Variants in FAM120B observed in about 807,000 individuals in gnomAD.
FAM120B encodes constitutive coactivator of peroxisome proliferator-activated receptor gamma.
Under a neutral mutation model 96.3 loss-of-function variants are expected in FAM120B, and 83 were observed. The observed-to-expected ratio is 0.86, with a 90% CI of 0.72 to 1.03. FAM120B has a LOEUF of 1.03. FAM120B is among the 50% of genes least tolerant of loss of function. The pLI is 0.00. For missense variants in FAM120B, 1,027 were observed against 1,121.2 expected, an observed-to-expected ratio of 0.92 and a Z score of 1.20; for synonymous variants, 407 against 402.7, an observed-to-expected ratio of 1.01 and a Z score of -0.13.
chr6:170,353,573 G>T (rs183879189), intron 5 of FAM120B, among the ~76,000 whole-genome samples: 1 of 151,848 alleles, frequency 6.6e-6, no homozygotes, highest in African/African-American at 2.4e-5. Context: ...GACTTTATCC[G>T]TGGGAACTAA....
chr6:170,398,307 G>C (rs910386339), intron 9 of FAM120B, among the ~76,000 whole-genome samples: 1 of 152,244 alleles, frequency 6.6e-6, no homozygotes, highest in Non-Finnish European at 1.5e-5. Context: ...GTAACTCTTA[G>C]GAGTCAATAA....
chr6:170,344,933 G>A (rs1583235343), intron 4 of FAM120B, among the ~76,000 whole-genome samples: 2 of 152,132 alleles, frequency 1.3e-5, no homozygotes, highest in East Asian at 1.9e-4. Flanking sequence ...CTCAGCTCAA[G>A]TCTCTTCCTC....
At chr6:170,404,128 G>T (rs1377947469) in intron 9 of FAM120B, 1 of 167,188 alleles carries the variant, frequency 6.0e-6, no homozygotes, top group South Asian at 1.8e-4. Flanking sequence ...AACGTTCCCT[G>T]TCTATCAGAA....
intron 1 of FAM120B, chr6:170,297,760 C>A (rs934791200): frequency 6.6e-5 from 10 of 152,178 alleles, no homozygotes; most frequent in Admixed American, 3.9e-4. Flanking sequence ...ACACAAAGTG[C>A]GGAGTGTGGC....
chr6:170,360,143 G>A lies in FAM120B; in HGVS notation c.2283+1825G>A, dbSNP rs117633413. Among the ~76,000 whole-genome samples, 1,346 of 152,304 alleles carry A rather than the reference G, an allele frequency of 8.8e-3. 66 individuals carry two copies. The East Asian group carries it at 0.1, about 12-fold the overall frequency. ...GTCCTGTTCTCTGGTCCTAGGCCAT[G>A]TGGGCAACATAGCACTGGAGTCTGA... On this transcript the variant is annotated intron_variant, in intron 6 of 10. Transcript: ENST00000476287.
At chr6:170,345,279 C>T (rs1006158927) in intron 4 of FAM120B, among the ~76,000 whole-genome samples, 12 of 152,122 alleles carry the variant, frequency 7.9e-5, no homozygotes, top group African/African-American at 2.9e-4. Context: ...AATGCCCTGC[C>T]CCAATTTGTT....
At chr6:170,361,220 A>ATATATATATATATACGTG (rs1788396286) in intron 6 of FAM120B, among the ~76,000 whole-genome samples, 5 of 110,022 alleles carry the variant, frequency 4.5e-5, no homozygotes, top group African/African-American at 1.6e-4. Flanking sequence ...ATATATATAT[A>ATATATATATATATACGTG]TATATATATA....
At chr6:170,315,452 C>T (rs974108103) in intron 1 of FAM120B, among the ~76,000 whole-genome samples, 1 of 152,136 alleles carries the variant, frequency 6.6e-6, no homozygotes, top group Admixed American at 6.5e-5. Context: ...CCTTCCTGGA[C>T]ATAGGTTCCA....
intron 6 of FAM120B, among the ~76,000 whole-genome samples, chr6:170,374,095 T>C (rs1000389088): frequency 6.6e-6 from 1 of 152,220 alleles, no homozygotes; most frequent in African/African-American, 2.4e-5. Flanking sequence ...TTGAGGAAAC[T>C]GAATGTCTAT....
intron 9 of FAM120B, among the ~76,000 whole-genome samples, chr6:170,402,726 T>C (rs1778651059): frequency 6.6e-6 from 1 of 152,204 alleles, no homozygotes; most frequent in Admixed American, 6.5e-5. Flanking sequence ...CCACTTTGAA[T>C]TTCAGGAATG....
In FAM120B at chr6:170,347,693, A is replaced by AT. The variant is rs199948445; in HGVS notation, c.2018-449dup. Among the ~76,000 whole-genome samples, 303 of 151,486 alleles carry AT rather than the reference A, an allele frequency of 2.0e-3. 1 individual carries two copies. Among genetic ancestry groups the AT allele is most frequent in the Middle Eastern group, 6.8e-3 (2 of 292 alleles). On this transcript the variant is annotated intron_variant, in intron 4 of 10. Coordinates refer to ENST00000476287, the MANE Select transcript of FAM120B (RefSeq NM_032448.3). ...CTGCATATAGATCCCAGGAAAATGC[A>AT]TTTTTTTTTACAATCTCTGCAGTTG...
At chr6:170,368,819 C>CGGG (rs146799172) in intron 6 of FAM120B, among the ~76,000 whole-genome samples, 328 of 26,060 alleles carry the variant, frequency 0.013, 4 homozygotes, top group African/African-American at 0.021. Context: ...TCTGCCGGGG[C>CGGG]TGGGGGGGGG....
chr6:170,346,497 T>C (rs575449656), intron 4 of FAM120B, among the ~76,000 whole-genome samples: 1 of 152,316 alleles, frequency 6.6e-6, no homozygotes, highest in East Asian at 1.9e-4. Context: ...TTACCTTAGA[T>C]CCGAGACTAG....
At chr6:170,393,415 C>T (rs9295400) in intron 8 of FAM120B, among the ~76,000 whole-genome samples, 135,623 of 151,930 alleles carry the variant, frequency 0.89, 60,733 homozygotes, top group African/African-American at 0.96. Context: ...GTGGTACTTA[C>T]AATTTTTATA....
chr6:170,329,525 C>T (rs1785856252), intron 3 of FAM120B, among the ~76,000 whole-genome samples: 1 of 152,172 alleles, frequency 6.6e-6, no homozygotes, highest in Admixed American at 6.5e-5. Flanking sequence ...GGTCCTGTGG[C>T]ATCACAGGTG....
At chr6:170,319,415 C>A (rs1785148202) in intron 2 of FAM120B, among the ~76,000 whole-genome samples, 1 of 152,122 alleles carries the variant, frequency 6.6e-6, no homozygotes, top group African/African-American at 2.4e-5. Flanking sequence ...GCCTGTAATC[C>A]CAGCACTTTG....
chr6:170,382,440 G>A (rs914646288), intron 6 of FAM120B, among the ~76,000 whole-genome samples: 5 of 152,074 alleles, frequency 3.3e-5, no homozygotes, highest in Non-Finnish European at 4.4e-5. Context: ...TCTAGTGAGA[G>A]TTCAGCAAGG....
At chr6:170,330,070 A>T (rs568971436) in intron 3 of FAM120B, among the ~76,000 whole-genome samples, 1 of 152,338 alleles carries the variant, frequency 6.6e-6, no homozygotes, top group Admixed American at 6.5e-5. Flanking sequence ...CTTGCTTTAA[A>T]AAACTGTATC....
At chr6:170,385,326 G>T (rs1790126101) in intron 6 of FAM120B, among the ~76,000 whole-genome samples, 1 of 152,178 alleles carries the variant, frequency 6.6e-6, no homozygotes, top group Non-Finnish European at 1.5e-5. Flanking sequence ...GAAGCTGAAA[G>T]CTGTTCTGAG....
Sources: allele counts gnomAD v4.1 joint callset (sites outside exome capture counted in the v4.1 genomes callset), GRCh38; gene constraint gnomAD v4.1.1; transcripts MANE v1.5; gene names NCBI Gene and HGNC (gene_info 2026-07-23, HGNC 2026-07-21).